FABP3: variants seen among roughly 807,000 people sequenced by gnomAD.
The protein encoded by FABP3 is fatty acid binding protein 3, also known as fatty acid-binding protein, heart.
In FABP3, 8 loss-of-function variants were observed where a neutral mutation model predicts 13.4. The observed-to-expected ratio is 0.60, with a 90% CI of 0.35 to 1.07. FABP3 has a LOEUF of 1.07. Ranked by LOEUF, FABP3 falls within the 50% of genes least tolerant of loss-of-function variation. The pLI is 0.02. For missense variants in FABP3, 135 were observed against 164.7 expected (o/e 0.82, Z 0.99); for synonymous variants, 64 against 60.0 (o/e 1.07, Z -0.31).
At chr1:31,364,941 CTGAGT>C (rs985355623), downstream of FABP3, 3 of 152,202 alleles carry the variant, frequency 2.0e-5, no homozygotes, top group Admixed American at 1.3e-4. Flanking sequence ...TTTAAACTTA[CTGAGT>C]TATTTTTCCT....
intron 3 of FABP3, among the ~76,000 whole-genome samples, chr1:31,366,384 G>C (rs1041803754): frequency 6.6e-6 from 1 of 152,090 alleles, no homozygotes; most frequent in African/African-American, 2.4e-5. Flanking sequence ...GTAGTGCCAG[G>C]GCCAGAGCCC....
chr1:31,365,916 A>G lies in FABP3; in HGVS notation c.372T>C (p.Val124=), dbSNP rs2148493360. The change falls in exon 4 of 4, where the codon GTT becomes GTC. Residue 124 remains valine (V), a synonymous_variant. Coordinates refer to ENST00000373713, the MANE Select transcript of FABP3 (RefSeq NM_004102.5). ...LILTLTHGTA[V]CTRTYEKEA ...CCTCTTTCTCATAAGTGCGAGTGCA[A>G]ACTGCAGTGCCGTGGGTGAGTGTCT... 6.2e-7 allele frequency: 1 copy of G among 1,613,902 alleles called. No homozygotes were observed. The highest frequency in any genetic ancestry group is 1.1e-5 in the South Asian group (1 of 91,062).
chr1:31,367,011 C>A (rs999363249), intron 3 of FABP3, among the ~76,000 whole-genome samples: 5 of 152,176 alleles, frequency 3.3e-5, no homozygotes, highest in Admixed American at 3.3e-4. Context: ...AAGGTAGAAA[C>A]ACAGGAAGAG....
At chr1:31,366,840 T>C (rs1299159928) in intron 3 of FABP3, among the ~76,000 whole-genome samples, 2 of 152,158 alleles carry the variant, frequency 1.3e-5, no homozygotes, top group Non-Finnish European at 2.9e-5. Flanking sequence ...AGGACTGTAC[T>C]GTCATTCAGT....
downstream of FABP3, chr1:31,364,998 G>A (rs1640075611): frequency 1.3e-5 from 2 of 152,188 alleles, no homozygotes; most frequent in Admixed American, 6.5e-5. Context: ...TAAAGTCACT[G>A]AGCCTGCATT....
the FABP3 span, among the ~76,000 whole-genome samples, chr1:31,359,659 A>G: frequency 6.6e-6 from 1 of 152,150 alleles, no homozygotes; most frequent in African/African-American, 2.4e-5. Flanking sequence ...TTTCAGAACT[A>G]TAGTGAAAAT....
At chr1:31,362,010 C>T (rs924090771), downstream of FABP3, among the ~76,000 whole-genome samples, 1 of 152,104 alleles carries the variant, frequency 6.6e-6, no homozygotes, top group African/African-American at 2.4e-5. Flanking sequence ...CAGGGTTTCA[C>T]CATGTTGGCC....
downstream of FABP3, among the ~76,000 whole-genome samples, chr1:31,363,226 A>C (rs1348216452): frequency 7.1e-6 from 1 of 141,584 alleles, no homozygotes; most frequent in Non-Finnish European, 1.5e-5. Context: ...CTCTGTCGCC[A>C]AGGCTGGAGT....
intron 2 of FABP3, among the ~76,000 whole-genome samples, chr1:31,367,938 C>T (rs530716554): frequency 1.3e-5 from 2 of 152,338 alleles, no homozygotes; most frequent in South Asian, 4.1e-4. Context: ...GTGGTTAGTC[C>T]ACATAATGTC....
At chr1:31,364,503 G>A (rs1484069110), downstream of FABP3, 8 of 358,782 alleles carry the variant, frequency 2.2e-5, no homozygotes, top group African/African-American at 1.6e-4. Context: ...GCCACTGCCA[G>A]AGCTGGATTC....
Position 31,369,651 on chromosome 1 carries a change from G to A in FABP3, c.74-94C>T, listed in dbSNP as rs1000127157. ...AATAACTCTCAGGCCTGGGTATGGG[G>A]AAGTGGAGGACTGTATCTTTCAAAG... is the stretch of plus-strand genomic sequence containing the variant. On this transcript the variant is annotated intron_variant, in intron 1 of 3. Transcript: ENST00000373713. 4 of 1,182,050 alleles carry A rather than the reference G, an allele frequency of 3.4e-6. No individual in the cohort carries two copies. In the Admixed American group the frequency reaches 8.6e-5, roughly 25 times the overall value. 73.2% of individuals were successfully genotyped at this position (1,182,050 alleles called of 1,614,324 possible). A position where few individuals can be genotyped will look rare whatever the true frequency, so the allele number is the denominator to read the frequency against.
downstream of FABP3, chr1:31,363,939 A>G: frequency 6.6e-7 from 1 of 1,511,260 alleles, no homozygotes; most frequent in South Asian, 1.4e-5. Context: ...CTAGGATTAC[A>G]GGTGTGAGCC....
intron 3 of FABP3, among the ~76,000 whole-genome samples, chr1:31,366,426 G>C (rs138956247): frequency 2.0e-5 from 3 of 152,280 alleles, no homozygotes; most frequent in African/African-American, 7.2e-5. Flanking sequence ...TGGCATCATA[G>C]AGCCAGACCC....
intron 2 of FABP3, among the ~76,000 whole-genome samples, chr1:31,367,828 G>A (rs1444269817): frequency 3.3e-5 from 5 of 152,160 alleles, no homozygotes; most frequent in African/African-American, 7.2e-5. Flanking sequence ...GGTGATTCCC[G>A]TAGCCTGGTC....
chr1:31,361,213 T>A (rs554505539), downstream of FABP3, among the ~76,000 whole-genome samples: 68 of 152,372 alleles, frequency 4.5e-4, no homozygotes, highest in Admixed American at 7.8e-4. Flanking sequence ...TGAGAAGCTT[T>A]GTTGCCTTCT....
downstream of FABP3, chr1:31,364,585 G>A (rs1165711260): frequency 9.9e-6 from 2 of 201,942 alleles, no homozygotes; most frequent in Non-Finnish European, 2.1e-5. Flanking sequence ...AGAGTGATTG[G>A]ACCCTTCCTA....
chr1:31,367,604 G>C (rs1640136883), intron 2 of FABP3, 110 bp from the exon 3 acceptor site: 4 of 876,556 alleles, frequency 4.6e-6, no homozygotes, highest in Non-Finnish European at 5.8e-6. Context: ...CCAAACTAGT[G>C]ATGGTGTGAG....
chr1:31,359,881 C>A, the FABP3 span, among the ~76,000 whole-genome samples: 1 of 152,118 alleles, frequency 6.6e-6, no homozygotes, highest in Admixed American at 6.6e-5. Context: ...TCTTCTGTTT[C>A]CCTTCTCACT....
chr1:31,369,079 G>T lies in FABP3; in HGVS notation c.246+306C>A, dbSNP rs771868443. 200 of 324,602 alleles carry T rather than the reference G, an allele frequency of 6.2e-4. 1 individual carries two copies. Among genetic ancestry groups the T allele is most frequent in the Non-Finnish European group, 1.0e-3 (179 of 175,046 alleles). 20.1% of individuals were successfully genotyped at this position (324,602 alleles called of 1,614,324 possible). On this transcript the variant is annotated intron_variant, in intron 2 of 3. Coordinates refer to ENST00000373713, the MANE Select transcript of FABP3 (RefSeq NM_004102.5). Reference sequence around the variant, plus strand: ...TAGAGCTACTGCATACCTTGCACAGGGTCACCCAGCTGGAGCTGGAGTAGA... The same window carrying T: ...TAGAGCTACTGCATACCTTGCACAGTGTCACCCAGCTGGAGCTGGAGTAGA...
Sources: allele counts gnomAD v4.1 joint callset (sites outside exome capture counted in the v4.1 genomes callset), GRCh38; gene constraint gnomAD v4.1.1; transcripts MANE v1.5; gene names NCBI Gene and HGNC (gene_info 2026-07-23, HGNC 2026-07-21).